The following VWC2 variants were observed in gnomAD, a reference collection of about 807,000 sequenced individuals.
VWC2 encodes brorin.
Under a neutral mutation model 29.8 loss-of-function variants are expected in VWC2, and 14 were observed. The ratio of observed to expected loss-of-function variants is 0.47; its 90% confidence interval spans 0.31 to 0.74. The LOEUF (loss-of-function observed/expected upper bound fraction) is 0.74, where lower values mean the gene tolerates loss of function less well. VWC2 is among the 30% of genes least tolerant of loss of function. VWC2 has a pLI of 0.05. For missense variants in VWC2, 457 were observed against 459.8 expected (o/e 0.99, Z 0.05); for synonymous variants, 213 against 199.0 (o/e 1.07, Z -0.59).
Position 49,802,331 on chromosome 7 carries a change from A to G in VWC2, c.697-380A>G, listed in dbSNP as rs557734415. Among the ~76,000 whole-genome samples, 28 of 150,740 alleles carry G rather than the reference A, an allele frequency of 1.9e-4. No individual in the cohort carries two copies. The East Asian group carries it at 4.1e-3, about 22-fold the overall frequency. Reference sequence around the variant, plus strand: ...CTAAAACACTTAGGTGTCTTCGCAGAAAGTTTAGGGAAAGAAAAGTATGAC... The same window carrying G: ...CTAAAACACTTAGGTGTCTTCGCAGGAAGTTTAGGGAAAGAAAAGTATGAC... On this transcript the variant is annotated intron_variant, in intron 2 of 3. Coordinates refer to ENST00000340652, the MANE Select transcript of VWC2 (RefSeq NM_198570.5).
rs1020548600 is a variant in VWC2 at position 49,917,865 on chromosome 7, C to T, written c.*5680C>T. 1 of 151,894 alleles carries T rather than the reference C, an allele frequency of 6.6e-6. No individual in the cohort carries two copies. Among genetic ancestry groups the T allele is most frequent in the Non-Finnish European group, 1.5e-5 (1 of 67,968 alleles). 9.4% of individuals were successfully genotyped at this position (151,894 alleles called of 1,614,324 possible). On this transcript the variant is annotated 3_prime_UTR_variant, in exon 4 of 4. Coordinates refer to ENST00000340652, the MANE Select transcript of VWC2 (RefSeq NM_198570.5). ...ATGGAAAGATTTCATTTTTCCATTC[C>T]CTTTACTTTTATATTTACATTGTCA...
At chr7:49,854,172 C>A (rs1261535069) in intron 3 of VWC2, among the ~76,000 whole-genome samples, 1 of 152,096 alleles carries the variant, frequency 6.6e-6, no homozygotes, top group Non-Finnish European at 1.5e-5. Flanking sequence ...CCGCAATAAG[C>A]ATACATGTGC....
intron 3 of VWC2, among the ~76,000 whole-genome samples, chr7:49,868,387 A>G (rs1271286141): frequency 6.6e-6 from 1 of 152,216 alleles, no homozygotes. Context: ...TAAATCAGTG[A>G]TGATACATTT....
intron 3 of VWC2, among the ~76,000 whole-genome samples, chr7:49,891,258 G>A (rs1326855566): frequency 2.0e-5 from 3 of 152,086 alleles, no homozygotes; most frequent in African/African-American, 7.2e-5. Flanking sequence ...CTTGAGACAA[G>A]CGATAAAAGC....
At chr7:49,856,456 G>A (rs967699667) in intron 3 of VWC2, among the ~76,000 whole-genome samples, 1 of 152,136 alleles carries the variant, frequency 6.6e-6, no homozygotes, top group African/African-American at 2.4e-5. Context: ...TTCTTGTACA[G>A]GCTGCAGATC....
intron 3 of VWC2, among the ~76,000 whole-genome samples, chr7:49,825,958 C>T (rs983163425): frequency 6.6e-6 from 1 of 152,122 alleles, no homozygotes. Flanking sequence ...ATCCCCACCA[C>T]CCCCATATTT....
At chr7:49,890,437 G>A (rs1792078601) in intron 3 of VWC2, among the ~76,000 whole-genome samples, 1 of 152,146 alleles carries the variant, frequency 6.6e-6, no homozygotes, top group Non-Finnish European at 1.5e-5. Flanking sequence ...TACATAATAT[G>A]CTGTTTGACT....
chr7:49,910,996 C>A (rs1025824853), intron 3 of VWC2, among the ~76,000 whole-genome samples: 3 of 152,166 alleles, frequency 2.0e-5, no homozygotes, highest in Non-Finnish European at 4.4e-5. Flanking sequence ...GGAAGGTATA[C>A]TGAATTTATG....
intron 3 of VWC2, among the ~76,000 whole-genome samples, chr7:49,877,734 C>T (rs1456519910): frequency 1.3e-5 from 2 of 149,758 alleles, no homozygotes; most frequent in Non-Finnish European, 3.0e-5. Flanking sequence ...TCTGGAGAGC[C>T]ACTCACTTTT....
chr7:49,872,915 C>CAAAAAAAAAAAAAAAAAAAAAAAAAAA (rs61473396), intron 3 of VWC2, among the ~76,000 whole-genome samples: 1 of 33,946 alleles, frequency 2.9e-5, no homozygotes, highest in Non-Finnish European at 5.4e-5. Flanking sequence ...GACTTTGTCT[C>CAAAAAAAAAAAAAAAAAAAAAAAAAAA]AAAAAAAAAA....
Position 49,884,341 on chromosome 7 carries a change from C to T in VWC2, c.827-27693C>T, listed in dbSNP as rs978941552. On this transcript the variant is annotated intron_variant, in intron 3 of 3. Coordinates refer to ENST00000340652, the MANE Select transcript of VWC2 (RefSeq NM_198570.5). ...AGCCAATCACTGAGTTGAGTATTGC[C>T]AGGGAAGAAGGCTTTAACCGGGTGC... 6.6e-5 allele frequency among the ~76,000 whole-genome samples: 10 copies of T among 152,168 alleles called. No individual in the cohort carries two copies. The East Asian group carries it at 1.9e-3, about 29-fold the overall frequency.
intron 3 of VWC2, among the ~76,000 whole-genome samples, chr7:49,911,086 T>G (rs1793393143): frequency 6.6e-6 from 1 of 152,186 alleles, no homozygotes; most frequent in African/African-American, 2.4e-5. Flanking sequence ...AAGGTCTTAG[T>G]TATGCTTTTT....
Position 49,823,187 on chromosome 7 carries a change from A to T in VWC2, c.826+20347A>T, listed in dbSNP as rs544947050. The stretch of plus-strand genomic sequence containing the variant: ...ATAGTTACGAGTATGGGTTCTCTGA[A>T]TGGTAGGATATCACACAAGGACGCT... On this transcript the variant is annotated intron_variant, in intron 3 of 3. Transcript: ENST00000340652. Among the ~76,000 whole-genome samples the T allele has an allele frequency of 9.5e-4, 144 of 152,292 alleles. 1 individual carries two copies. The Middle Eastern group carries it at 0.01, about 11-fold the overall frequency.
rs1194918529 is a variant in VWC2 at position 49,919,717 on chromosome 7, G to A, written c.*7532G>A. The A allele has an allele frequency of 6.6e-6, 1 of 152,334 alleles. No individual in the cohort carries two copies. Among genetic ancestry groups the A allele is most frequent in the Non-Finnish European group, 1.5e-5 (1 of 68,036 alleles). 9.4% of individuals were successfully genotyped at this position (152,334 alleles called of 1,614,324 possible). A position where few individuals can be genotyped will look rare whatever the true frequency, so the allele number is the denominator to read the frequency against. On this transcript the variant is annotated 3_prime_UTR_variant, in exon 4 of 4. Coordinates refer to ENST00000340652, the MANE Select transcript of VWC2 (RefSeq NM_198570.5). Reference sequence around the variant, plus strand: ...CACTCCAAACAATAACAGCAATGGTGAAGGTTGTGGGTGGACAGAGGTAGT... The same window carrying A: ...CACTCCAAACAATAACAGCAATGGTAAAGGTTGTGGGTGGACAGAGGTAGT...
chr7:49,864,402 G>GT (rs1025623299), intron 3 of VWC2, among the ~76,000 whole-genome samples: 13 of 152,122 alleles, frequency 8.5e-5, no homozygotes, highest in African/African-American at 3.1e-4. Context: ...GGTCTTCTCA[G>GT]TTTTTTTCTG....
chr7:49,834,514 A>C (rs984812271), intron 3 of VWC2, among the ~76,000 whole-genome samples: 7 of 152,196 alleles, frequency 4.6e-5, no homozygotes, highest in African/African-American at 1.7e-4. Flanking sequence ...AGTCCTACTG[A>C]GTGTCAGTCT....
At chr7:49,806,469 C>G (rs1469250071) in intron 3 of VWC2, among the ~76,000 whole-genome samples, 3 of 152,320 alleles carry the variant, frequency 2.0e-5, no homozygotes, top group Admixed American at 2.0e-4. Flanking sequence ...TGAAGTATTA[C>G]TGCCACCTGA....
chr7:49,904,354 G>C (rs550779431), intron 3 of VWC2, among the ~76,000 whole-genome samples: 22 of 152,318 alleles, frequency 1.4e-4, no homozygotes, highest in Non-Finnish European at 2.8e-4. Context: ...AAAACTGAGT[G>C]AAGGCTGCAT....
rs576389530 is a variant in VWC2, at chr7:49,918,962, A to C, written c.*6777A>C. 1 of 152,154 alleles carries C rather than the reference A, an allele frequency of 6.6e-6. No individual in the cohort carries two copies. Among genetic ancestry groups the C allele is most frequent in the African/African-American group, 2.4e-5 (1 of 41,502 alleles). The allele number at this position is 152,154 out of a possible 1,614,324, so 9.4% of individuals were successfully genotyped here. The stretch of plus-strand genomic sequence containing the variant: ...TGTAATCTACTCGGGAGGCTGAGGC[A>C]GGAGAATCCCTTAAACCGAGGGGGT... On this transcript the variant is annotated 3_prime_UTR_variant, in exon 4 of 4. Transcript: ENST00000340652.
Sources: allele counts gnomAD v4.1 joint callset (sites outside exome capture counted in the v4.1 genomes callset), GRCh38; gene constraint gnomAD v4.1.1; transcripts MANE v1.5; gene names NCBI Gene and HGNC (gene_info 2026-07-23, HGNC 2026-07-21).